The following PCDH15 variants were observed in gnomAD, a reference collection of about 807,000 sequenced individuals.
PCDH15 encodes the protein protocadherin related 15, also known as protocadherin-15.
A neutral mutation model predicts 178.5 loss-of-function variants in PCDH15; 129 were observed. The ratio of observed to expected loss-of-function variants is 0.72; its 90% CI spans 0.63 to 0.84. The LOEUF (loss-of-function observed/expected upper bound fraction) is 0.84, where lower values mean the gene tolerates loss of function less well. Ranked by LOEUF, PCDH15 falls within the 40% of genes least tolerant of loss-of-function variation. The pLI is 0.00. For synonymous variants in PCDH15, 800 were observed against 732.0 expected (o/e 1.09, Z -1.50); for missense variants, 2,230 against 2,099.9 (o/e 1.06, Z -1.21).
chr10:53,903,524 G>A (rs2133671517), intron 25 of PCDH15, among the ~76,000 whole-genome samples, 154 bp from the exon 26 acceptor site: 1 of 152,136 alleles, frequency 6.6e-6, no homozygotes, highest in Admixed American at 6.5e-5. Context: ...CAAATTCAGG[G>A]GACACTGATA....
chr10:54,870,124 A>C (rs868188891), intron 3 of PCDH15, among the ~76,000 whole-genome samples: 14 of 152,336 alleles, frequency 9.2e-5, no homozygotes, highest in Middle Eastern at 6.8e-3. Flanking sequence ...GATTTCCATT[A>C]AGTTGTCAAA....
At chr10:54,155,642 T>C (rs1417853665) in intron 13 of PCDH15, among the ~76,000 whole-genome samples, 2 of 151,988 alleles carry the variant, frequency 1.3e-5, no homozygotes. Flanking sequence ...ATCATAATAG[T>C]GTCTTCCATG....
intron 6 of PCDH15, among the ~76,000 whole-genome samples, chr10:54,335,249 C>A (rs1370290108): frequency 6.6e-6 from 1 of 152,192 alleles, no homozygotes; most frequent in African/African-American, 2.4e-5. Context: ...CTGTTTCATA[C>A]TGTTAAAACA....
intron 2 of PCDH15, among the ~76,000 whole-genome samples, chr10:55,118,066 G>A (rs1380324726): frequency 1.3e-5 from 2 of 152,192 alleles, no homozygotes; most frequent in African/African-American, 2.4e-5. Flanking sequence ...TGATGGATAG[G>A]AAAACAAGTG....
intron 2 of PCDH15, among the ~76,000 whole-genome samples, chr10:55,007,539 TA>T (rs1839961650): frequency 6.6e-6 from 1 of 150,964 alleles, no homozygotes; most frequent in South Asian, 2.1e-4. Context: ...AGTTTTTATC[TA>T]GAGGGTAGGT....
intron 2 of PCDH15, among the ~76,000 whole-genome samples, chr10:55,023,970 T>TTA (rs960344698): frequency 6.7e-6 from 1 of 149,284 alleles, no homozygotes; most frequent in Non-Finnish European, 1.5e-5. Context: ...GAAAGAGATT[T>TTA]TATATATATG....
intron 2 of PCDH15, among the ~76,000 whole-genome samples, chr10:55,614,729 A>C (rs1843440359): frequency 6.6e-6 from 1 of 152,118 alleles, no homozygotes; most frequent in Admixed American, 6.5e-5. Context: ...TCAACTTCAA[A>C]CCATAGGTGT....
chr10:55,530,875 CT>C (rs1320398174), intron 2 of PCDH15, among the ~76,000 whole-genome samples: 1 of 151,914 alleles, frequency 6.6e-6, no homozygotes, highest in Non-Finnish European at 1.5e-5. Context: ...GCTGATGGTT[CT>C]TATAGCTTTC....
At chr10:54,129,859 T>A (rs1199302730) in intron 15 of PCDH15, among the ~76,000 whole-genome samples, 2 of 152,066 alleles carry the variant, frequency 1.3e-5, no homozygotes, top group Non-Finnish European at 2.9e-5. Flanking sequence ...CATTTCAAAC[T>A]TGGGTTGTGC....
chr10:54,115,751 C>T (rs748163450), intron 15 of PCDH15, among the ~76,000 whole-genome samples: 1 of 152,126 alleles, frequency 6.6e-6, no homozygotes, highest in Non-Finnish European at 1.5e-5. Flanking sequence ...CAAACACTCC[C>T]TAATAAAGAT....
intron 2 of PCDH15, among the ~76,000 whole-genome samples, chr10:54,662,625 A>G (rs1379516104): frequency 6.6e-6 from 1 of 152,010 alleles, no homozygotes; most frequent in Non-Finnish European, 1.5e-5. Context: ...AATTTATAGC[A>G]TTACAGGTTA....
chr10:54,344,647 G>A (rs1033680709), intron 6 of PCDH15, among the ~76,000 whole-genome samples: 7 of 151,764 alleles, frequency 4.6e-5, no homozygotes, highest in South Asian at 4.1e-4. Flanking sequence ...TGGCGCACAC[G>A]TACAATTAAT....
At position 53,966,761 on chromosome 10, in the gene PCDH15, TGATCG is replaced by T. The variant is rs536223510; in HGVS notation, c.2869-4874_2869-4870del. On this transcript the variant is annotated intron_variant, in intron 21 of 37. Coordinates refer to ENST00000644397, the MANE Select transcript of PCDH15 (RefSeq NM_001384140.1). ...TTATTCCACTAAAATATAATAGATA[TGATCG>T]AAGTATTCTAATGTATAAAACTCAC... 1.2e-3 allele frequency among the ~76,000 whole-genome samples: 189 copies of T among 152,020 alleles called. 1 individual carries two copies. Among genetic ancestry groups the T allele is most frequent in the African/African-American group, 4.2e-3 (176 of 41,500 alleles).
At chr10:55,376,384 C>T (rs745964980) in intron 2 of PCDH15, among the ~76,000 whole-genome samples, 5 of 152,052 alleles carry the variant, frequency 3.3e-5, no homozygotes, top group Admixed American at 1.3e-4. Flanking sequence ...TCTCAGGTTT[C>T]ATCACAGGAG....
intron 1 of PCDH15, among the ~76,000 whole-genome samples, chr10:55,316,982 C>A (rs1248031551): frequency 1.3e-5 from 2 of 152,118 alleles, no homozygotes; most frequent in Non-Finnish European, 2.9e-5. Flanking sequence ...AATTTAGCAT[C>A]TTTACCCATA....
chr10:55,585,761 G>GTA (rs1043881228), intron 2 of PCDH15, among the ~76,000 whole-genome samples: 4 of 151,876 alleles, frequency 2.6e-5, no homozygotes, highest in Admixed American at 6.6e-5. Context: ...ATGTGTGTGT[G>GTA]TATATATATG....
chr10:54,747,876 G>A (rs914450457), intron 1 of PCDH15, among the ~76,000 whole-genome samples: 4 of 143,778 alleles, frequency 2.8e-5, no homozygotes, highest in African/African-American at 1.0e-4. Flanking sequence ...CGTGATCTCC[G>A]CTCACTGCAA....
chr10:55,356,525 A>T (rs1845085520), intron 2 of PCDH15, among the ~76,000 whole-genome samples: 1 of 151,840 alleles, frequency 6.6e-6, no homozygotes, highest in Admixed American at 6.6e-5. Context: ...GAGGGATGAT[A>T]AAAATTTAAA....
chr10:55,395,020 T>C (rs892979274), intron 2 of PCDH15, among the ~76,000 whole-genome samples: 2 of 152,066 alleles, frequency 1.3e-5, no homozygotes, highest in Non-Finnish European at 2.9e-5. Context: ...TGAAAATAAA[T>C]GTTAAAGATC....
Sources: allele counts gnomAD v4.1 joint callset (sites outside exome capture counted in the v4.1 genomes callset), GRCh38; gene constraint gnomAD v4.1.1; transcripts MANE v1.5; gene names NCBI Gene and HGNC (gene_info 2026-07-23, HGNC 2026-07-21).